PGPEP1: variants seen among roughly 807,000 people sequenced by gnomAD.
PGPEP1 encodes pyroglutamyl-peptidase I, also known as pyroglutamyl-peptidase 1.
A neutral mutation model predicts 24.1 loss-of-function variants in PGPEP1; 15 were observed. The ratio of observed to expected loss-of-function variants is 0.62; its 90% CI spans 0.42 to 0.96. The LOEUF (loss-of-function observed/expected upper bound fraction) is 0.96, where lower values mean the gene tolerates loss of function less well. Among genes scored for constraint, PGPEP1 ranks in the 40% least tolerant of loss-of-function variants. The probability of loss-of-function intolerance (pLI) is 0.00; values close to 1 mark genes in which losing one functional copy is unlikely to be tolerated. For missense variants in PGPEP1, 242 were observed against 273.4 expected, an observed-to-expected ratio of 0.89 and a Z score of 0.81; for synonymous variants, 122 against 116.4, an observed-to-expected ratio of 1.05 and a Z score of -0.31.
rs780918292 is a variant in PGPEP1, at chr19:18,355,987, C to T, written c.180C>T (p.Ala60=). The change falls in exon 3 of 5, where the codon GCC becomes GCT. Residue 60 remains alanine (A), a synonymous_variant. Transcript: ENST00000269919. ...EYQTVQRLIP[A]LWEKHSPQLV... The stretch of plus-strand genomic sequence containing the variant: ...AAACAGTCCAGAGACTCATCCCCGC[C>T]CTGTGGGAGAAGCACAGTCCACAGG... 2 of 1,611,134 alleles carry T rather than the reference C, an allele frequency of 1.2e-6. No individual in the cohort carries two copies. The highest frequency in any genetic ancestry group is 1.7e-6 in the Non-Finnish European group (2 of 1,177,356).
chr19:18,360,739 G>A (rs1428293868), intron 4 of PGPEP1, among the ~76,000 whole-genome samples: 1 of 151,708 alleles, frequency 6.6e-6, no homozygotes, highest in Non-Finnish European at 1.5e-5. Context: ...TGGCCAGGCT[G>A]GTCTCGAACT....
intron 4 of PGPEP1, chr19:18,358,009 TG>T: frequency 4.2e-6 from 1 of 240,158 alleles, no homozygotes; most frequent in South Asian, 5.2e-5. Flanking sequence ...CTAACAGCCT[TG>T]GAAGTCAGAA....
At chr19:18,360,899 C>A (rs1397730721) in intron 4 of PGPEP1, among the ~76,000 whole-genome samples, 1 of 151,818 alleles carries the variant, frequency 6.6e-6, no homozygotes, top group African/African-American at 2.4e-5. Flanking sequence ...GTGGCTCGAT[C>A]TTGTTGCACT....
intron 1 of PGPEP1, among the ~76,000 whole-genome samples, chr19:18,341,030 T>G (rs1970657756): frequency 1.3e-5 from 2 of 152,236 alleles, no homozygotes; most frequent in South Asian, 4.1e-4. Flanking sequence ...ACCTGCCTCC[T>G]CTGTCTGGCC....
chr19:18,357,907 A>C, intron 4 of PGPEP1: 1 of 437,026 alleles, frequency 2.3e-6, no homozygotes, highest in Non-Finnish European at 4.2e-6. Flanking sequence ...CCTCCACCCC[A>C]ACCCAAGCAG....
At chr19:18,342,187 G>T (rs1970690504) in intron 1 of PGPEP1, among the ~76,000 whole-genome samples, 2 of 152,156 alleles carry the variant, frequency 1.3e-5, no homozygotes, top group Admixed American at 1.3e-4. Context: ...GGAATTACAG[G>T]CATGAGCCAC....
intron 1 of PGPEP1, 26 bp from the exon 2 acceptor site, chr19:18,342,833 A>G (rs369441571): frequency 2.8e-5 from 45 of 1,599,380 alleles, no homozygotes; most frequent in Non-Finnish European, 3.7e-5. Flanking sequence ...CTCTTGGGTA[A>G]TATATTGCTT....
At chr19:18,353,326 A>G (rs1473978758) in intron 2 of PGPEP1, among the ~76,000 whole-genome samples, 5 of 151,800 alleles carry the variant, frequency 3.3e-5, no homozygotes, top group Admixed American at 6.6e-5. Flanking sequence ...GGCTCAAGCA[A>G]TCCTCCCACC....
intron 2 of PGPEP1, among the ~76,000 whole-genome samples, chr19:18,353,078 C>A (rs377400610): frequency 2.0e-5 from 3 of 151,956 alleles, no homozygotes; most frequent in East Asian, 3.9e-4. Context: ...CCACCATGCC[C>A]GGCTAATTTT....
At chr19:18,346,504 C>T (rs1034781685) in intron 2 of PGPEP1, among the ~76,000 whole-genome samples, 13 of 152,056 alleles carry the variant, frequency 8.5e-5, no homozygotes, top group Non-Finnish European at 1.6e-4. Flanking sequence ...CTCTTGCTCC[C>T]TCTGGGTCTC....
chr19:18,349,222 T>C (rs1253118295), intron 2 of PGPEP1, among the ~76,000 whole-genome samples: 1 of 151,988 alleles, frequency 6.6e-6, no homozygotes, highest in Non-Finnish European at 1.5e-5. Context: ...CACTCTGTCA[T>C]CCAGGCTGGA....
At chr19:18,357,865 C>A in intron 4 of PGPEP1, 1 of 525,758 alleles carries the variant, frequency 1.9e-6, no homozygotes, top group Non-Finnish European at 3.4e-6. Flanking sequence ...TGGACACTGC[C>A]CCAGCCTCCA....
chr19:18,363,512 G>T lies in PGPEP1; in HGVS notation c.559G>T (p.Ala187Ser). Residue 187 changes from alanine to serine, a missense_variant, in exon 5 of 5, where the codon GCC (alanine) becomes TCC (serine). Physicochemically the swap from Ala to Ser is moderately conservative, Grantham distance 99. Transcript: ENST00000269919. ...NADQLGRALR[A>S]IIEEMLDLLE... ...GGACCAGCTGGGCAGGGCACTGAGAGCCATCATTGAGGAGATGTTGGACCT... is the reference window on the plus strand; with the variant it reads ...GGACCAGCTGGGCAGGGCACTGAGATCCATCATTGAGGAGATGTTGGACCT... The T allele has an allele frequency of 6.2e-7, 1 of 1,614,178 alleles. No individual in the cohort carries two copies. The highest frequency in any genetic ancestry group is 1.1e-5 in the South Asian group (1 of 91,086).
intron 2 of PGPEP1, among the ~76,000 whole-genome samples, chr19:18,351,272 C>A (rs1022699193): frequency 2.7e-4 from 40 of 149,618 alleles, no homozygotes; most frequent in South Asian, 2.3e-3. Flanking sequence ...CTCAAAAAAA[C>A]CAAACAAAAC....
Position 18,357,331 on chromosome 19 carries a change from C to T in PGPEP1, c.205-52C>T, listed in dbSNP as rs1185053880. 2.1e-6 allele frequency: 3 copies of T among 1,430,060 alleles called. No homozygotes were observed. In the African/African-American group the frequency reaches 4.2e-5, roughly 20 times the overall value. 88.6% of individuals were successfully genotyped at this position (1,430,060 alleles called of 1,614,324 possible). On this transcript the variant is annotated intron_variant, in intron 3 of 4. Coordinates refer to ENST00000269919, the MANE Select transcript of PGPEP1 (RefSeq NM_017712.4). ...CTTTTCCCTGGCCTCAGGGGGACCCCTCTGAGTCCCACGGGCAGGCCATGT... is the reference window on the plus strand; with the variant it reads ...CTTTTCCCTGGCCTCAGGGGGACCCTTCTGAGTCCCACGGGCAGGCCATGT...
At position 18,364,613 on chromosome 19, in the gene PGPEP1, C is replaced by T. The variant is rs1971474883; in HGVS notation, c.*1030C>T. 6.6e-6 allele frequency: 1 copy of T among 152,082 alleles called. No individual in the cohort carries two copies. The highest frequency in any genetic ancestry group is 1.5e-5 in the Non-Finnish European group (1 of 68,038). 9.4% of individuals were successfully genotyped at this position (152,082 alleles called of 1,614,324 possible). On this transcript the variant is annotated 3_prime_UTR_variant, in exon 5 of 5. Coordinates refer to ENST00000269919, the MANE Select transcript of PGPEP1 (RefSeq NM_017712.4). ...TGGGTGACAGAGCGAGACTCTGTCTCAAAACAATTGGACTTAAGATGGCAT... is the reference window on the plus strand; with the variant it reads ...TGGGTGACAGAGCGAGACTCTGTCTTAAAACAATTGGACTTAAGATGGCAT...
At position 18,365,120 on chromosome 19, in the gene PGPEP1, G is replaced by C. The variant is rs1971500360; in HGVS notation, c.*1537G>C. 1 of 152,164 alleles carries C rather than the reference G, an allele frequency of 6.6e-6. No homozygotes were observed. Among genetic ancestry groups the C allele is most frequent in the South Asian group, 2.1e-4 (1 of 4,830 alleles). The allele number at this position is 152,164 out of a possible 1,614,324, so 9.4% of individuals were successfully genotyped here. A position where few individuals can be genotyped will look rare whatever the true frequency, so the allele number is the denominator to read the frequency against. The stretch of plus-strand genomic sequence containing the variant: ...CTTCCTGGTAACCTTGAACTTACCA[G>C]GCAGGGATGAGATGACGTAAACTTC... On this transcript the variant is annotated 3_prime_UTR_variant, in exon 5 of 5. Transcript: ENST00000269919.
intron 2 of PGPEP1, among the ~76,000 whole-genome samples, chr19:18,350,997 G>A (rs1371672146): frequency 6.6e-6 from 1 of 152,152 alleles, no homozygotes; most frequent in African/African-American, 2.4e-5. Context: ...CTTTTGGCCG[G>A]GCACAGTGGC....
Position 18,363,560 on chromosome 19 carries a change from A to G in PGPEP1, c.607A>G (p.Ile203Val), listed in dbSNP as rs752047477. 4 of 1,613,806 alleles carry G rather than the reference A, an allele frequency of 2.5e-6. No individual in the cohort carries two copies. The highest frequency in any genetic ancestry group is 3.3e-5 in the Admixed American group (2 of 59,930). ...CCTCCTGGAGCAGTCAGAGGGCAAA[A>G]TCAACTATTGCCACAAACACTGAGG... ...LDLLEQSEGKINYCHKH is the reference protein window; with the variant it reads ...LDLLEQSEGKVNYCHKH Residue 203 changes from isoleucine to valine, a missense_variant, in exon 5 of 5, where the codon ATC becomes GTC. Transcript: ENST00000269919.
Sources: gnomAD v4.1 joint callset for allele counts (sites outside exome capture counted in the v4.1 genomes callset) on GRCh38, gnomAD v4.1.1 for gene constraint, MANE v1.5 for transcripts, NCBI Gene and HGNC (gene_info 2026-07-23, HGNC 2026-07-21) for gene names.